DOP1A: variants seen among roughly 807,000 people sequenced by gnomAD.
The protein encoded by DOP1A is DOP1 leucine zipper like protein A.
Under a neutral mutation model 267.6 loss-of-function variants are expected in DOP1A, and 90 were observed. That is an observed-to-expected ratio of 0.34 (90% CI 0.28 to 0.40). The LOEUF (loss-of-function observed/expected upper bound fraction) is 0.40. Among genes scored for constraint, DOP1A ranks in the 10% least tolerant of loss-of-function variants. The probability of loss-of-function intolerance (pLI) is 1.00; values close to 1 mark genes in which losing one functional copy is unlikely to be tolerated. For missense variants in DOP1A, 2,437 were observed against 2,900.4 expected (o/e 0.84, Z 3.67); for synonymous variants, 932 against 999.1 (o/e 0.93, Z 1.27).
intron 38 of DOP1A, chr6:83,167,325 C>T: frequency 4.1e-6 from 4 of 985,472 alleles, no homozygotes; most frequent in Non-Finnish European, 4.8e-6. Flanking sequence ...CTGAGGGATC[C>T]CTTCCTTTCT....
chr6:83,072,743 A>G (rs1445328403), intron 1 of DOP1A, among the ~76,000 whole-genome samples: 2 of 152,256 alleles, frequency 1.3e-5, no homozygotes, highest in African/African-American at 4.8e-5. Flanking sequence ...AAAAGGTACT[A>G]TAAAGTATCA....
intron 1 of DOP1A, among the ~76,000 whole-genome samples, chr6:83,068,267 C>T (rs887670493): frequency 2.0e-5 from 3 of 152,136 alleles, no homozygotes; most frequent in African/African-American, 2.4e-5. Flanking sequence ...TCATGTTCTC[C>T]GTGGGGCTTA....
intron 1 of DOP1A, among the ~76,000 whole-genome samples, chr6:83,070,782 A>G (rs1582820124): frequency 6.6e-6 from 1 of 151,918 alleles, no homozygotes; most frequent in African/African-American, 2.4e-5. Flanking sequence ...AGTGGCAAAC[A>G]TATAGCAGGC....
At chr6:83,082,087 T>C (rs949986174) in intron 1 of DOP1A, among the ~76,000 whole-genome samples, 1 of 152,082 alleles carries the variant, frequency 6.6e-6, no homozygotes, top group Non-Finnish European at 1.5e-5. Context: ...TAAATTAGTA[T>C]AGCCATTATG....
intron 25 of DOP1A, 47 bp from the exon 26 acceptor site, chr6:83,147,189 A>C: frequency 1.0e-6 from 1 of 992,230 alleles, no homozygotes. Context: ...TGAAAAAGCA[A>C]AGGCAGTATT....
intron 1 of DOP1A, among the ~76,000 whole-genome samples, chr6:83,076,253 G>T (rs1374347559): frequency 6.6e-6 from 1 of 152,218 alleles, no homozygotes; most frequent in Non-Finnish European, 1.5e-5. Context: ...GCCGGGTGTG[G>T]TGGCTCAGGC....
chr6:83,082,077 T>G (rs1768181714), intron 1 of DOP1A, among the ~76,000 whole-genome samples: 1 of 152,062 alleles, frequency 6.6e-6, no homozygotes, highest in Non-Finnish European at 1.5e-5. Flanking sequence ...GGTGGGAATG[T>G]AAATTAGTAT....
Position 83,137,668 on chromosome 6 carries a change from T to C in DOP1A, c.3626T>C (p.Leu1209Pro). The C allele has an allele frequency of 6.2e-7, 1 of 1,613,736 alleles. No homozygotes were observed. Among genetic ancestry groups the C allele is most frequent in the Non-Finnish European group, 8.5e-7 (1 of 1,179,818 alleles). The change falls in exon 21 of 39, where the codon CTG becomes CCG. Residue 1209 changes from leucine to proline, a missense_variant. Around this residue, in one of 9 missense-constraint regions of DOP1A, gnomAD observed 878 missense variants for 992.9 expected, o/e 0.88. Coordinates refer to ENST00000349129, the MANE Select transcript of DOP1A (RefSeq NM_015018.4). Reference sequence around the variant, plus strand: ...ATTCAACAGAGTCAGAATGCTTTGCTGAGTAATGAAAGTTCTCAGTTTCTG... The same window carrying C: ...ATTCAACAGAGTCAGAATGCTTTGCCGAGTAATGAAAGTTCTCAGTTTCTG... Reference protein sequence around the residue: ...DSIQQSQNALLSNESSQFLSV... With the variant: ...DSIQQSQNALPSNESSQFLSV...
At position 83,124,769 on chromosome 6, in the gene DOP1A, C is replaced by T; in HGVS notation, c.1405C>T (p.Leu469=). ...TAGTAATGACTCATCTGAATTACAG[C>T]TGACCAATTTCTGCTTACTGGTGGA... ...GDSNDSSELQ[L]TNFCLLVDFL... The change falls in exon 13 of 39, where the codon CTG becomes TTG. Residue 469 remains leucine (L), a synonymous_variant. Coordinates refer to ENST00000349129, the MANE Select transcript of DOP1A (RefSeq NM_015018.4). 6.2e-7 allele frequency: 1 copy of T among 1,613,308 alleles called. No homozygotes were observed. Among genetic ancestry groups the T allele is most frequent in the East Asian group, 2.2e-5 (1 of 44,854 alleles).
At chr6:83,091,153 C>T (rs1770316003) in intron 1 of DOP1A, among the ~76,000 whole-genome samples, 1 of 151,306 alleles carries the variant, frequency 6.6e-6, no homozygotes, top group South Asian at 2.1e-4. Context: ...CCTTATAATA[C>T]CATCAGATCT....
chr6:83,120,196 T>C (rs1454123021), intron 9 of DOP1A, among the ~76,000 whole-genome samples: 1 of 151,988 alleles, frequency 6.6e-6, no homozygotes, highest in East Asian at 1.9e-4. Context: ...TCTGGAGAAG[T>C]TTATTTCATA....
rs1349276624 is a variant in DOP1A, at chr6:83,132,050, T to C, written c.2617-126T>C. On this transcript the variant is annotated intron_variant, in intron 17 of 38. Transcript: ENST00000349129. ...GACTGCCTTAGTAACCTCATCCCCA[T>C]GCAGTAGAATATTAAAAGCCTTTCA... is the stretch of plus-strand genomic sequence containing the variant. 15 of 1,091,136 alleles carry C rather than the reference T, an allele frequency of 1.4e-5. No individual in the cohort carries two copies. The Admixed American group carries it at 2.0e-4, about 14-fold the overall frequency. 67.6% of individuals were successfully genotyped at this position (1,091,136 alleles called of 1,614,324 possible). A position where few individuals can be genotyped will look rare whatever the true frequency, so the allele number is the denominator to read the frequency against.
chr6:83,085,537 C>T (rs1768978831), intron 1 of DOP1A, among the ~76,000 whole-genome samples: 1 of 151,974 alleles, frequency 6.6e-6, no homozygotes, highest in Non-Finnish European at 1.5e-5. Flanking sequence ...ATAGAGTTGA[C>T]CAAAGAGATT....
chr6:83,158,687 C>A, intron 36 of DOP1A, 65 bp downstream of exon 36: 1 of 1,096,450 alleles, frequency 9.1e-7, no homozygotes, highest in Non-Finnish European at 1.4e-6. Flanking sequence ...CAGAATATTA[C>A]TCAGCATCTA....
chr6:83,084,834 G>A (rs1353870069), intron 1 of DOP1A, among the ~76,000 whole-genome samples: 1 of 151,544 alleles, frequency 6.6e-6, no homozygotes, highest in Non-Finnish European at 1.5e-5. Context: ...CAAGTGATCT[G>A]CCTGCCTTGG....
chr6:83,104,955 C>T (rs1773320503), intron 4 of DOP1A, among the ~76,000 whole-genome samples: 1 of 151,994 alleles, frequency 6.6e-6, no homozygotes, highest in Non-Finnish European at 1.5e-5. Flanking sequence ...CATTTTTGCT[C>T]AGATAAGCTC....
At position 83,145,665 on chromosome 6, in the gene DOP1A, A is replaced by G; in HGVS notation, c.5676+7A>G. Reference sequence around the variant, plus strand: ...AGCCATAGCCAAGGACAAGGTAAGAAAAAACTCTTCTTCACATGTGTTTAC... The same window carrying G: ...AGCCATAGCCAAGGACAAGGTAAGAGAAAACTCTTCTTCACATGTGTTTAC... On this transcript the variant is annotated splice_region_variant and intron_variant, in intron 25 of 38. Coordinates refer to ENST00000349129, the MANE Select transcript of DOP1A (RefSeq NM_015018.4). 1 of 1,608,804 alleles carries G rather than the reference A, an allele frequency of 6.2e-7. No individual in the cohort carries two copies. The highest frequency in any genetic ancestry group is 1.1e-5 in the South Asian group (1 of 89,842).
intron 38 of DOP1A, chr6:83,166,866 AT>A: frequency 1.0e-6 from 1 of 995,194 alleles, no homozygotes; most frequent in South Asian, 4.6e-5. Context: ...CCATTTGTTA[AT>A]ATGACAGATT....
In DOP1A at chr6:83,124,807, C is replaced by T. The variant is rs769039352; in HGVS notation, c.1443C>T (p.Asp481=). Residue 481 remains aspartate, a synonymous_variant, in exon 13 of 39, where the codon GAC becomes GAT. Coordinates refer to ENST00000349129, the MANE Select transcript of DOP1A (RefSeq NM_015018.4). ...NFCLLVDFLL[D]IVSLPTRSMR... ...GCTTACTGGTGGATTTTTTGTTGGA[C>T]ATAGTTTCTTTGGTAAGACCACCTT... 8 of 1,612,126 alleles carry T rather than the reference C, an allele frequency of 5.0e-6. No individual in the cohort carries two copies. In the African/African-American group the frequency reaches 1.1e-4, roughly 22 times the overall value.
Sources: allele counts gnomAD v4.1 joint callset (sites outside exome capture counted in the v4.1 genomes callset), GRCh38; gene constraint gnomAD v4.1.1; regional missense constraint gnomAD v4.1.1; transcripts MANE v1.5; gene names NCBI Gene and HGNC (gene_info 2026-07-23, HGNC 2026-07-21).